The following GABPB1 variants were observed in gnomAD, a reference collection of about 807,000 sequenced individuals.
The protein encoded by GABPB1 is GA binding protein transcription factor subunit beta 1, also known as GA-binding protein subunit beta-1.
A neutral mutation model predicts 45.9 loss-of-function variants in GABPB1; 15 were observed. The observed-to-expected ratio is 0.33, with a 90% CI of 0.22 to 0.50. The LOEUF (loss-of-function observed/expected upper bound fraction) is 0.50, where lower values mean the gene tolerates loss of function less well. Ranked by LOEUF, GABPB1 falls within the 20% of genes least tolerant of loss-of-function variation. GABPB1 has a pLI of 0.98. For synonymous variants in GABPB1, 143 were observed against 154.4 expected, an observed-to-expected ratio of 0.93 and a Z score of 0.55; for missense variants, 252 against 457.5, an observed-to-expected ratio of 0.55 and a Z score of 4.10.
At chr15:50,330,885 T>G (rs1188356738) in intron 1 of GABPB1, among the ~76,000 whole-genome samples, 1 of 152,096 alleles carries the variant, frequency 6.6e-6, no homozygotes, top group Admixed American at 6.6e-5. Context: ...GTAGTGGTGG[T>G]TGTGGCAGTG....
intron 1 of GABPB1, among the ~76,000 whole-genome samples, chr15:50,315,525 A>C (rs1378738220): frequency 6.6e-6 from 1 of 152,248 alleles, no homozygotes; most frequent in Non-Finnish European, 1.5e-5. Context: ...AAATCAATGG[A>C]AGAAAATACA....
chr15:50,317,864 G>A (rs1463366882), intron 1 of GABPB1, among the ~76,000 whole-genome samples: 4 of 150,100 alleles, frequency 2.7e-5, no homozygotes, highest in African/African-American at 4.9e-5. Flanking sequence ...AGCCGAGATC[G>A]CGCCACCGCA....
chr15:50,297,345 TG>T (rs1567492457), intron 6 of GABPB1, among the ~76,000 whole-genome samples: 1 of 151,930 alleles, frequency 6.6e-6, no homozygotes, highest in Non-Finnish European at 1.5e-5. Flanking sequence ...CCCCAGTAGC[TG>T]GGATTACAGG....
intron 1 of GABPB1, among the ~76,000 whole-genome samples, chr15:50,310,954 G>A (rs2047112888): frequency 6.8e-6 from 1 of 146,892 alleles, no homozygotes; most frequent in Non-Finnish European, 1.5e-5. Flanking sequence ...TCTAGCCTGG[G>A]CAACAAAGTA....
At position 50,278,168 on chromosome 15, in the gene GABPB1, A is replaced by G. The variant is rs2045874852; in HGVS notation, c.*464T>C. The G allele has an allele frequency of 6.5e-6, 1 of 152,722 alleles. No homozygotes were observed. Among genetic ancestry groups the G allele is most frequent in the Admixed American group, 6.5e-5 (1 of 15,292 alleles). The allele number at this position is 152,722 out of a possible 1,614,324, so 9.5% of individuals were successfully genotyped here. A position where few individuals can be genotyped will look rare whatever the true frequency, so the allele number is the denominator to read the frequency against. On this transcript the variant is annotated 3_prime_UTR_variant, in exon 9 of 9. Coordinates refer to ENST00000380877, the MANE Select transcript of GABPB1 (RefSeq NM_016654.5). ...ATCTGACACAACTTAAAGCTGTACA[A>G]AGATTTCCTGGGAGAAATCTTCTCT... is the stretch of plus-strand genomic sequence containing the variant.
At chr15:50,312,465 C>G (rs1277211412) in intron 1 of GABPB1, among the ~76,000 whole-genome samples, 1 of 152,162 alleles carries the variant, frequency 6.6e-6, no homozygotes, top group Non-Finnish European at 1.5e-5. Context: ...ATAGAGATTA[C>G]TGATCTCCAA....
In GABPB1 at chr15:50,286,191, GA is replaced by G. The variant is rs576271497; in HGVS notation, c.884-9del. ...TTGCTGGTACTGTTAATACTAAAATGAAAAAAAAATTATGTATTACTTCATT... is the reference window on the plus strand; with the variant it reads ...TTGCTGGTACTGTTAATACTAAAATGAAAAAAAATTATGTATTACTTCATT... On this transcript the variant is annotated splice_polypyrimidine_tract_variant and intron_variant, in intron 7 of 8. Transcript: ENST00000380877. 284 of 1,470,700 alleles carry G rather than the reference GA, an allele frequency of 1.9e-4. No individual in the cohort carries two copies. Among genetic ancestry groups the G allele is most frequent in the South Asian group, 6.2e-4 (45 of 72,878 alleles). 91.1% of individuals were successfully genotyped at this position (1,470,700 alleles called of 1,614,324 possible).
At chr15:50,340,923 C>CATATGGTAATAAACCATATGTA (rs1567545945) in intron 1 of GABPB1, among the ~76,000 whole-genome samples, 2 of 16,106 alleles carry the variant, frequency 1.2e-4, no homozygotes, top group African/African-American at 1.0e-3. Flanking sequence ...TGTAATATTA[C>CATATGGTAATAAACCATATGTA]ATATTACATA....
chr15:50,334,763 G>T (rs1029920016), intron 1 of GABPB1, among the ~76,000 whole-genome samples: 7 of 151,938 alleles, frequency 4.6e-5, no homozygotes, highest in African/African-American at 1.4e-4. Context: ...CCAAAAATTC[G>T]ATTTGGTTTT....
At chr15:50,353,488 T>A (rs1430131557) in intron 1 of GABPB1, 1 of 152,032 alleles carries the variant, frequency 6.6e-6, no homozygotes, top group African/African-American at 2.4e-5. Context: ...GAATCTTCTA[T>A]TAAACCAGGC....
intron 1 of GABPB1, among the ~76,000 whole-genome samples, chr15:50,311,293 A>C (rs2047123473): frequency 6.6e-6 from 1 of 152,186 alleles, no homozygotes; most frequent in African/African-American, 2.4e-5. Flanking sequence ...AAGGAAAAGC[A>C]GAATTTTAGG....
At chr15:50,293,501 A>T (rs1014357362) in intron 6 of GABPB1, among the ~76,000 whole-genome samples, 1 of 152,228 alleles carries the variant, frequency 6.6e-6, no homozygotes, top group Admixed American at 6.5e-5. Context: ...AATTTCAGGA[A>T]GATAATTACA....
intron 1 of GABPB1, among the ~76,000 whole-genome samples, chr15:50,312,429 A>C (rs953119689): frequency 1.2e-4 from 19 of 152,126 alleles, no homozygotes; most frequent in African/African-American, 4.1e-4. Context: ...GATACTCCTC[A>C]ATCCTGCTTA....
chr15:50,330,555 C>T (rs1428173245), intron 1 of GABPB1, among the ~76,000 whole-genome samples: 1 of 146,048 alleles, frequency 6.8e-6, no homozygotes, highest in Non-Finnish European at 1.5e-5. Context: ...TTACCTTATT[C>T]CAGACCCAAT....
At chr15:50,316,957 T>C (rs996731579) in intron 1 of GABPB1, among the ~76,000 whole-genome samples, 2 of 152,036 alleles carry the variant, frequency 1.3e-5, no homozygotes, top group Non-Finnish European at 2.9e-5. Flanking sequence ...TATAATATTA[T>C]CTCTAATATT....
At chr15:50,336,987 G>C (rs976227415) in intron 1 of GABPB1, among the ~76,000 whole-genome samples, 1 of 150,232 alleles carries the variant, frequency 6.7e-6, no homozygotes, top group African/African-American at 2.4e-5. Context: ...TGAGGCTGCA[G>C]GGGGCCATGA....
chr15:50,303,260 T>C, intron 3 of GABPB1, 137 bp from the exon 4 acceptor site: 1 of 717,586 alleles, frequency 1.4e-6, no homozygotes, highest in Non-Finnish European at 2.2e-6. Context: ...GTTAAATAGA[T>C]GTTCCAGGCC....
At chr15:50,306,626 C>CAA (rs34344784) in intron 2 of GABPB1, among the ~76,000 whole-genome samples, 42 of 84,428 alleles carry the variant, frequency 5.0e-4, no homozygotes, top group African/African-American at 1.7e-3. Context: ...AACTCTGTCT[C>CAA]AAAAAAAAAA....
At position 50,292,175 on chromosome 15, in the gene GABPB1, G is replaced by A. The variant is rs150013716; in HGVS notation, c.698-2507C>T. Among the ~76,000 whole-genome samples, 1,206 of 151,412 alleles carry A rather than the reference G, an allele frequency of 8.0e-3. 17 individuals are homozygous for A. Among genetic ancestry groups the A allele is most frequent in the African/African-American group, 0.028 (1,162 of 41,296 alleles). On this transcript the variant is annotated intron_variant, in intron 6 of 8. Coordinates refer to ENST00000380877, the MANE Select transcript of GABPB1 (RefSeq NM_016654.5). ...TGAAAATACAAAAAATTAGCCGGGCGCGGTGGTGGGCGCCTCTAGTCCCAG... is the reference window on the plus strand; with the variant it reads ...TGAAAATACAAAAAATTAGCCGGGCACGGTGGTGGGCGCCTCTAGTCCCAG...
Sources: gnomAD v4.1 joint callset for allele counts (sites outside exome capture counted in the v4.1 genomes callset) on GRCh38, gnomAD v4.1.1 for gene constraint, MANE v1.5 for transcripts, NCBI Gene and HGNC (gene_info 2026-07-23, HGNC 2026-07-21) for gene names.